ANKRD12: variants seen among roughly 807,000 people sequenced by gnomAD.
ANKRD12 encodes the protein ankyrin repeat domain-containing protein 12.
A neutral mutation model predicts 183.4 loss-of-function variants in ANKRD12; 85 were observed. The ratio of observed to expected loss-of-function variants is 0.46; its 90% CI spans 0.39 to 0.56. ANKRD12 has a LOEUF of 0.56. Ranked by LOEUF, ANKRD12 falls within the 20% of genes least tolerant of loss-of-function variation. The pLI, the probability that ANKRD12 is intolerant of heterozygous loss-of-function variation, is 0.00. For missense variants in ANKRD12, 2,405 were observed against 2,357.1 expected, an observed-to-expected ratio of 1.02 and a Z score of -0.42; for synonymous variants, 914 against 800.2, an observed-to-expected ratio of 1.14 and a Z score of -2.40.
chr18:9,279,517 T>C, intron 11 of ANKRD12, 32 bp from the exon 12 acceptor site: 1 of 1,264,496 alleles, frequency 7.9e-7, no homozygotes, highest in Non-Finnish European at 1.1e-6. Flanking sequence ...AGTGATTTAT[T>C]GTATTTTATA....
rs1244463207 is a variant in ANKRD12 at position 9,136,829 on chromosome 18, C to G, written c.-188C>G. On this transcript the variant is annotated 5_prime_UTR_variant, in exon 1 of 13. Coordinates refer to ENST00000262126, the MANE Select transcript of ANKRD12 (RefSeq NM_015208.5). ...CGAGGAGGCTGTGGTGAGAGACGGA[C>G]CGAGACCGGAGATGTTTTCAAGCCC... is the stretch of plus-strand genomic sequence containing the variant. 3 of 152,250 alleles carry G rather than the reference C, an allele frequency of 2.0e-5. No individual in the cohort carries two copies. The highest frequency in any genetic ancestry group is 4.4e-5 in the Non-Finnish European group (3 of 68,086). 9.4% of individuals were successfully genotyped at this position (152,250 alleles called of 1,614,324 possible).
intron 6 of ANKRD12, among the ~76,000 whole-genome samples, chr18:9,213,308 G>A (rs926189357): frequency 2.0e-5 from 3 of 151,774 alleles, no homozygotes; most frequent in African/African-American, 4.8e-5. Flanking sequence ...AAAATGCATG[G>A]CATTTATTCT....
rs1217709445 is a variant in ANKRD12 at position 9,247,938 on chromosome 18, C to G, written c.944-6273C>G. Among the ~76,000 whole-genome samples the G allele has an allele frequency of 2.0e-5, 3 of 152,120 alleles. No homozygotes were observed. The South Asian group carries it at 6.2e-4, about 32-fold the overall frequency. On this transcript the variant is annotated intron_variant, in intron 8 of 12. Transcript: ENST00000262126. ...AGTAGCTGGGATTACAGGCGCCCCC[C>G]ACCTCGCCTGCCTAATTTTTGTGTT...
intron 8 of ANKRD12, among the ~76,000 whole-genome samples, chr18:9,247,447 C>G (rs927354764): frequency 1.3e-5 from 2 of 151,934 alleles, no homozygotes; most frequent in African/African-American, 4.8e-5. Flanking sequence ...CCACTGCACT[C>G]CAGCCTGGGC....
chr18:9,258,897 A>G lies in ANKRD12; in HGVS notation c.5630A>G (p.Asp1877Gly). ...YVTFNGSYLLDGNPLSKICIP... is the reference protein window; with the variant it reads ...YVTFNGSYLLGGNPLSKICIP... ...ACATTTAACGGATCATATCTCCTGG[A>G]TGGAAACCCCTTAAGCAAGATTTGT... Residue 1877 changes from aspartate (D) to glycine (G), a missense_variant, in exon 9 of 13, where the codon GAT (aspartate) becomes GGT (glycine). By Grantham distance (94) the Asp-to-Gly change is moderately conservative. Transcript: ENST00000262126. 2 of 1,611,270 alleles carry G rather than the reference A, an allele frequency of 1.2e-6. No individual in the cohort carries two copies. Among genetic ancestry groups the G allele is most frequent in the Non-Finnish European group, 1.7e-6 (2 of 1,178,510 alleles).
chr18:9,256,891 T>A lies in ANKRD12; in HGVS notation c.3624T>A (p.Ser1208=), dbSNP rs752301333. 1 of 1,614,018 alleles carries A rather than the reference T, an allele frequency of 6.2e-7. No homozygotes were observed. The highest frequency in any genetic ancestry group is 8.5e-7 in the Non-Finnish European group (1 of 1,179,978). Residue 1208 remains serine, a synonymous_variant, in exon 9 of 13, where the codon TCT becomes TCA. Coordinates refer to ENST00000262126, the MANE Select transcript of ANKRD12 (RefSeq NM_015208.5). ...GCTCCAGATCTGTATCCATGATTTCTGTTGCTAGTTCAGAAGATTCCTGCC... is the reference window on the plus strand; with the variant it reads ...GCTCCAGATCTGTATCCATGATTTCAGTTGCTAGTTCAGAAGATTCCTGCC... The part of the protein sequence containing the change: ...GLSSRSVSMI[S]VASSEDSCHT...
intron 8 of ANKRD12, among the ~76,000 whole-genome samples, chr18:9,226,983 A>T (rs2036754550): frequency 6.6e-6 from 1 of 152,160 alleles, no homozygotes; most frequent in Admixed American, 6.5e-5. Flanking sequence ...GAGGGGAAAA[A>T]TGATTATAAA....
chr18:9,148,082 C>T (rs978389790), intron 1 of ANKRD12, among the ~76,000 whole-genome samples: 3 of 152,138 alleles, frequency 2.0e-5, no homozygotes, highest in African/African-American at 7.2e-5. Flanking sequence ...TTTCTGCTCC[C>T]AGTGCCAGAA....
intron 2 of ANKRD12, among the ~76,000 whole-genome samples, chr18:9,189,542 G>A (rs1192025193): frequency 6.6e-6 from 1 of 152,194 alleles, no homozygotes; most frequent in Admixed American, 6.5e-5. Flanking sequence ...TCAATCCCTG[G>A]CTTCAAAGCT....
Position 9,256,237 on chromosome 18 carries a change from T to C in ANKRD12, c.2970T>C (p.Asn990=). The change falls in exon 9 of 13, where the codon AAT becomes AAC. Residue 990 remains asparagine (N), a synonymous_variant. Coordinates refer to ENST00000262126, the MANE Select transcript of ANKRD12 (RefSeq NM_015208.5). The part of the protein sequence containing the change: ...EEKKSSIVDG[N]KAQHEKPLSL... ...AAAAATCAAGTATAGTAGACGGTAA[T>C]AAAGCACAACATGAAAAACCCTTAT... is the stretch of plus-strand genomic sequence containing the variant. The C allele has an allele frequency of 6.2e-7, 1 of 1,600,124 alleles. No individual in the cohort carries two copies. Among genetic ancestry groups the C allele is most frequent in the Non-Finnish European group, 8.5e-7 (1 of 1,175,742 alleles).
chr18:9,142,893 A>T (rs1037451643), intron 1 of ANKRD12, among the ~76,000 whole-genome samples: 3 of 147,880 alleles, frequency 2.0e-5, no homozygotes, highest in African/African-American at 7.5e-5. Context: ...AAAAAAAAAA[A>T]TTAGTTGTAA....
chr18:9,240,718 A>T (rs2037612095), intron 8 of ANKRD12, among the ~76,000 whole-genome samples: 1 of 152,164 alleles, frequency 6.6e-6, no homozygotes, highest in Non-Finnish European at 1.5e-5. Context: ...TGCATACTTC[A>T]ACTTAATCAA....
At chr18:9,239,509 A>T in intron 8 of ANKRD12, 2 of 1,287,336 alleles carry the variant, frequency 1.6e-6, no homozygotes, top group Non-Finnish European at 2.0e-6. Context: ...AATGTGCCTG[A>T]ATTATTGCTT....
chr18:9,268,909 C>G (rs1207573458), intron 10 of ANKRD12, among the ~76,000 whole-genome samples: 3 of 152,150 alleles, frequency 2.0e-5, no homozygotes, highest in African/African-American at 7.2e-5. Flanking sequence ...AAGCTGATAA[C>G]CAACTTCAGC....
chr18:9,202,555 CT>C (rs1265591930), intron 3 of ANKRD12, among the ~76,000 whole-genome samples: 7 of 152,008 alleles, frequency 4.6e-5, no homozygotes, highest in Admixed American at 3.3e-4. Context: ...TGGTATTTTT[CT>C]CTTATTTCCT....
At chr18:9,190,901 C>A (rs1322014562) in intron 2 of ANKRD12, among the ~76,000 whole-genome samples, 1 of 152,094 alleles carries the variant, frequency 6.6e-6, no homozygotes, top group South Asian at 2.1e-4. Context: ...ATTATAATTG[C>A]TTTATCGTGG....
intron 1 of ANKRD12, among the ~76,000 whole-genome samples, chr18:9,154,492 G>A (rs1308239072): frequency 1.3e-5 from 2 of 152,148 alleles, no homozygotes; most frequent in Non-Finnish European, 2.9e-5. Context: ...GGCGACCGAG[G>A]TGGGCAGATC....
chr18:9,154,071 A>G (rs372307966), intron 1 of ANKRD12, among the ~76,000 whole-genome samples: 9 of 152,166 alleles, frequency 5.9e-5, no homozygotes, highest in Admixed American at 3.3e-4. Flanking sequence ...TTGAATGGGA[A>G]ACCAATGAAA....
chr18:9,217,913 A>G (rs1052049870), intron 7 of ANKRD12, among the ~76,000 whole-genome samples: 1 of 152,174 alleles, frequency 6.6e-6, no homozygotes, highest in Non-Finnish European at 1.5e-5. Context: ...AGGTAGATGA[A>G]TGGATAACTG....
Sources: gnomAD v4.1 joint callset for allele counts (sites outside exome capture counted in the v4.1 genomes callset) on GRCh38, gnomAD v4.1.1 for gene constraint, MANE v1.5 for transcripts, NCBI Gene and HGNC (gene_info 2026-07-23, HGNC 2026-07-21) for gene names.